The following FRS2 variants were observed in gnomAD, a reference collection of about 807,000 sequenced individuals.
FRS2 encodes fibroblast growth factor receptor substrate 2.
Under a neutral mutation model 43.9 loss-of-function variants are expected in FRS2, and 8 were observed. That is an observed-to-expected ratio of 0.18 (90% CI 0.11 to 0.33). The LOEUF (loss-of-function observed/expected upper bound fraction) is 0.33. FRS2 is among the 10% of genes least tolerant of loss of function. The pLI is 1.00. For synonymous variants in FRS2, 219 were observed against 220.3 expected (o/e 0.99, Z 0.05); for missense variants, 534 against 627.6 (o/e 0.85, Z 1.59).
In FRS2 at chr12:69,574,123, C is replaced by G. The variant is rs1292677184; in HGVS notation, c.695C>G (p.Pro232Arg). The change falls in exon 9 of 9, where the codon CCA becomes CGA. Residue 232 changes from proline (P) to arginine (R), a missense_variant. Coordinates refer to ENST00000549921, the MANE Select transcript of FRS2 (RefSeq NM_001278356.2). Reference sequence around the variant, plus strand: ...GAAAGCAGCACACCAAAAGAAGAACCAAGTAGTATTGAGGACAGGGATCCT... The same window carrying G: ...GAAAGCAGCACACCAAAAGAAGAACGAAGTAGTATTGAGGACAGGGATCCT... ...NAESSTPKEE[P>R]SSIEDRDPQI... 3 of 1,613,972 alleles carry G rather than the reference C, an allele frequency of 1.9e-6. No individual in the cohort carries two copies. The highest frequency in any genetic ancestry group is 1.7e-5 in the Admixed American group (1 of 60,026).
intron 6 of FRS2, 69 bp from the exon 7 acceptor site, chr12:69,571,207 T>C (rs1880723043): frequency 4.1e-6 from 4 of 984,580 alleles, no homozygotes; most frequent in South Asian, 1.6e-5. Context: ...TTCTGCTGTT[T>C]GTCAAGTGTT....
chr12:69,566,849 A>G (rs1206690656), intron 4 of FRS2, among the ~76,000 whole-genome samples: 2 of 152,206 alleles, frequency 1.3e-5, no homozygotes, highest in Non-Finnish European at 2.9e-5. Flanking sequence ...AATCTAGGGA[A>G]CATGTCCCTA....
intron 1 of FRS2, among the ~76,000 whole-genome samples, chr12:69,520,974 T>C (rs1237487832): frequency 6.6e-6 from 1 of 152,130 alleles, no homozygotes; most frequent in Non-Finnish European, 1.5e-5. Context: ...TCATTGGTAG[T>C]TGATAAATTG....
At chr12:69,522,755 G>T (rs1042972549) in intron 1 of FRS2, among the ~76,000 whole-genome samples, 1 of 152,022 alleles carries the variant, frequency 6.6e-6, no homozygotes, top group Non-Finnish European at 1.5e-5. Context: ...CCCTCTTCAC[G>T]CTGCCTTAGC....
chr12:69,504,292 G>C (rs1242107043), intron 1 of FRS2, among the ~76,000 whole-genome samples: 1 of 152,178 alleles, frequency 6.6e-6, no homozygotes, highest in Non-Finnish European at 1.5e-5. Flanking sequence ...TTGAACCCAG[G>C]AGGTGGAGGT....
chr12:69,561,045 A>G (rs1247405242), intron 3 of FRS2, among the ~76,000 whole-genome samples: 1 of 152,210 alleles, frequency 6.6e-6, no homozygotes, highest in Non-Finnish European at 1.5e-5. Flanking sequence ...AGTCCCCTAG[A>G]ATACATTTTA....
intron 1 of FRS2, among the ~76,000 whole-genome samples, chr12:69,518,996 C>CCA (rs1875347112): frequency 1.0e-5 from 1 of 98,564 alleles, no homozygotes; most frequent in Non-Finnish European, 2.0e-5. Context: ...AACTCCGTCT[C>CCA]AAAAAAAAAA....
At position 69,522,297 on chromosome 12, in the gene FRS2, CCCT is replaced by C. The variant is rs57205200; in HGVS notation, c.-260-8560_-260-8558del. Among the ~76,000 whole-genome samples, 719 of 151,000 alleles carry C rather than the reference CCCT, an allele frequency of 4.8e-3. 3 individuals carry two copies. The highest frequency in any genetic ancestry group is 0.017 in the African/African-American group (696 of 41,004). ...CTCATAGAATGAGTTAAGGAGGAGT[CCCT>C]CCTCCTCAGTTTTTTTGGAATAGTT... On this transcript the variant is annotated intron_variant, in intron 1 of 8. Coordinates refer to ENST00000549921, the MANE Select transcript of FRS2 (RefSeq NM_001278356.2).
chr12:69,553,317 T>C (rs1879067512), intron 3 of FRS2, among the ~76,000 whole-genome samples: 1 of 152,156 alleles, frequency 6.6e-6, no homozygotes, highest in Non-Finnish European at 1.5e-5. Flanking sequence ...ATGATCCGCC[T>C]GCCTCAGCCT....
Position 69,569,086 on chromosome 12 carries a change from A to G in FRS2, c.56A>G (p.Asn19Ser). 6.2e-7 allele frequency: 1 copy of G among 1,609,226 alleles called. No individual in the cohort carries two copies. The highest frequency in any genetic ancestry group is 1.1e-5 in the South Asian group (1 of 90,750). ...GACACTGTCCCAGATAACCATCGGA[A>G]CAAGTTTAAGGTCAGTAAAACTGGT... Reference protein sequence around the residue: ...DKDTVPDNHRNKFKVINVDDD... With the variant: ...DKDTVPDNHRSKFKVINVDDD... The change falls in exon 5 of 9, where the codon AAC becomes AGC. Residue 19 changes from asparagine to serine, a missense_variant. Asn to Ser is a conservative substitution (Grantham distance 46). Transcript: ENST00000549921.
At chr12:69,557,617 T>TGTGTGTGTGC (rs1879484835) in intron 3 of FRS2, among the ~76,000 whole-genome samples, 1 of 117,040 alleles carries the variant, frequency 8.5e-6, no homozygotes, top group Non-Finnish European at 1.7e-5. Flanking sequence ...TGTGTGTGTG[T>TGTGTGTGTGC]GTGCGCGCGC....
intron 1 of FRS2, among the ~76,000 whole-genome samples, chr12:69,473,221 A>G (rs912941502): frequency 1.3e-5 from 2 of 152,228 alleles, no homozygotes; most frequent in Non-Finnish European, 2.9e-5. Flanking sequence ...AGGCTCAAAT[A>G]TGTTAAGTTA....
chr12:69,470,583 G>C (rs966517380), intron 1 of FRS2, 53 bp downstream of exon 1: 3 of 398,058 alleles, frequency 7.5e-6, no homozygotes, highest in Non-Finnish European at 1.3e-5. Flanking sequence ...GTCGGAGCTG[G>C]CGTTCTCGTG....
At chr12:69,563,633 C>T (rs1880045715) in intron 4 of FRS2, among the ~76,000 whole-genome samples, 1 of 152,182 alleles carries the variant, frequency 6.6e-6, no homozygotes, top group Non-Finnish European at 1.5e-5. Context: ...AATCTTGCCT[C>T]TGCAGCCTCT....
At chr12:69,536,276 C>T (rs1877298851) in intron 3 of FRS2, among the ~76,000 whole-genome samples, 1 of 151,460 alleles carries the variant, frequency 6.6e-6, no homozygotes, top group South Asian at 2.1e-4. Context: ...GTGTGTGCAC[C>T]ACCATGCCTG....
At chr12:69,536,247 T>C (rs1877295559) in intron 3 of FRS2, among the ~76,000 whole-genome samples, 1 of 150,382 alleles carries the variant, frequency 6.6e-6, no homozygotes. Flanking sequence ...GCCTCAACCT[T>C]CTGAGTAGCT....
chr12:69,556,012 G>GT (rs796616658), intron 3 of FRS2, among the ~76,000 whole-genome samples: 4 of 141,536 alleles, frequency 2.8e-5, no homozygotes, highest in East Asian at 2.0e-4. Flanking sequence ...GTGTGGCGGG[G>GT]GGGGGGGCGG....
At chr12:69,488,061 T>C (rs186107186) in intron 1 of FRS2, among the ~76,000 whole-genome samples, 20 of 152,340 alleles carry the variant, frequency 1.3e-4, no homozygotes, top group African/African-American at 4.6e-4. Context: ...AGTCTACTCC[T>C]GATGAAGATT....
At chr12:69,568,668 A>T (rs1242666472) in intron 4 of FRS2, among the ~76,000 whole-genome samples, 2 of 152,054 alleles carry the variant, frequency 1.3e-5, no homozygotes, top group Non-Finnish European at 2.9e-5. Flanking sequence ...TTTCATTATT[A>T]ACTCTTGAAC....
Sources: gnomAD v4.1 joint callset for allele counts (sites outside exome capture counted in the v4.1 genomes callset) on GRCh38, gnomAD v4.1.1 for gene constraint, MANE v1.5 for transcripts, NCBI Gene and HGNC (gene_info 2026-07-23, HGNC 2026-07-21) for gene names.